The following PLEC variants were observed in gnomAD, a reference collection of about 807,000 sequenced individuals.
PLEC encodes hemidesmosomal protein 1.
A neutral mutation model predicts 392.8 loss-of-function variants in PLEC; 216 were observed. The observed-to-expected ratio is 0.55, with a 90% CI of 0.49 to 0.62. PLEC has a LOEUF of 0.62. Ranked by LOEUF, PLEC falls within the 20% of genes least tolerant of loss-of-function variation. The probability of loss-of-function intolerance (pLI) is 0.00; values close to 1 mark genes in which losing one functional copy is unlikely to be tolerated. For synonymous variants in PLEC, 3,621 were observed against 2,980.6 expected (o/e 1.21, Z -7.00); for missense variants, 6,863 against 6,563.4 (o/e 1.05, Z -1.58).
rs559736151 is a variant in PLEC, at chr8:143,923,287, C to T, written c.6642G>A (p.Ala2214=). The change falls in exon 31 of 32, where the codon GCG becomes GCA. Residue 2214 remains alanine (A), a synonymous_variant. Transcript: ENST00000345136. ...GCTGGCGTGCGGCCTCCGTGGCCTC[C>T]GCCTTCAGCCGCTGCAGCTCCTCGT... ...LLDEELQRLK[A]EATEAARQRS... is the part of the protein sequence containing the mutation. 3.2e-5 allele frequency: 52 copies of T among 1,608,168 alleles called. No individual in the cohort carries two copies. The highest frequency in any genetic ancestry group is 1.9e-4 in the African/African-American group (14 of 75,028).
At chr8:143,926,096 G>T (rs534596672) in intron 30 of PLEC, among the ~76,000 whole-genome samples, 1 of 152,372 alleles carries the variant, frequency 6.6e-6, no homozygotes, top group East Asian at 1.9e-4. Flanking sequence ...CCAGCCTGGG[G>T]AAGGAGGCCC....
chr8:143,958,589 C>T (rs1832717560), upstream of PLEC: 1 of 423,810 alleles, frequency 2.4e-6, no homozygotes, highest in Non-Finnish European at 4.9e-6. The surrounding 1 kb of genome is among the most constrained non-coding windows in gnomAD (Gnocchi z 4.9). Context: ...CCTCGTTGCC[C>T]CTCACCTCCA....
Position 143,921,819 on chromosome 8 carries a change from C to T in PLEC, c.8002G>A (p.Glu2668Lys), listed in dbSNP as rs1437678217. 1.9e-6 allele frequency: 3 copies of T among 1,608,284 alleles called. No individual in the cohort carries two copies. Among genetic ancestry groups the T allele is most frequent in the African/African-American group, 1.3e-5 (1 of 75,058 alleles). The change falls in exon 32 of 32, where the codon GAG becomes AAG. Residue 2668 changes from glutamate (E) to lysine (K), a missense_variant. Physicochemically the swap from Glu to Lys is moderately conservative, Grantham distance 56. Transcript: ENST00000345136. ...TGGCCCTGCGCCAACCGCTGCAGCTCCTCCGCACTCAGGATGCCGGCCTCC... is the reference window on the plus strand; with the variant it reads ...TGGCCCTGCGCCAACCGCTGCAGCTTCTCCGCACTCAGGATGCCGGCCTCC... Reference protein sequence around the residue: ...LQEAGILSAEELQRLAQGHTT... With the variant: ...LQEAGILSAEKLQRLAQGHTT...
chr8:143,951,699 G>A (rs1263273126), upstream of PLEC, among the ~76,000 whole-genome samples: 5 of 152,084 alleles, frequency 3.3e-5, no homozygotes, highest in South Asian at 4.2e-4. Context: ...AGTCCCTACC[G>A]CCCACAGATG....
upstream of PLEC, among the ~76,000 whole-genome samples, chr8:143,958,374 C>G (rs1189894034): frequency 2.0e-5 from 3 of 152,162 alleles, no homozygotes; most frequent in Admixed American, 6.5e-5. This position sits in a 1 kb window ranked among gnomAD's most constrained non-coding sequence, Gnocchi z 4.9. Flanking sequence ...TCTCCTCTCT[C>G]CCCTGCAGCC....
intron 28 of PLEC, 67 bp from the exon 29 acceptor site, chr8:143,927,148 C>T: frequency 6.4e-7 from 1 of 1,560,366 alleles, no homozygotes; most frequent in South Asian, 1.1e-5. Context: ...GCCCCTAAAC[C>T]CTCACATGGG....
chr8:143,960,542 G>T (rs558944894), intron 1 of PLEC, among the ~76,000 whole-genome samples: 1 of 151,956 alleles, frequency 6.6e-6, no homozygotes, highest in African/African-American at 2.4e-5. Context: ...CCTCTAACCC[G>T]GGAGGCGGAG....
At chr8:143,953,648 C>T (rs1832418639), upstream of PLEC, 2 of 1,480,522 alleles carry the variant, frequency 1.4e-6, no homozygotes, top group Non-Finnish European at 1.9e-6. Context: ...CTGCCCGCCA[C>T]CCTGCGTGGA....
In PLEC at chr8:143,923,912, G is replaced by A. The variant is rs376537341; in HGVS notation, c.6017C>T (p.Ala2006Val). The change falls in exon 31 of 32, where the codon GCG becomes GTG. Residue 2006 changes from alanine (A) to valine (V), a missense_variant. Physicochemically the swap from Ala to Val is moderately conservative, Grantham distance 64. Transcript: ENST00000345136. The stretch of plus-strand genomic sequence containing the variant: ...CAGCCGCTCGACTTCCTCCAGCGCC[G>A]CCTTCCGCTGCCGTGCGGCCTCCTC... ...AEEEAARQRK[A>V]ALEEVERLKA... 9.7e-5 allele frequency: 155 copies of A among 1,594,570 alleles called. No individual in the cohort carries two copies. The highest frequency in any genetic ancestry group is 1.6e-4 in the East Asian group (7 of 44,670).
intron 1 of PLEC, among the ~76,000 whole-genome samples, chr8:143,966,512 C>CG (rs1398403692): frequency 2.0e-5 from 3 of 152,236 alleles, no homozygotes; most frequent in Non-Finnish European, 2.9e-5. Flanking sequence ...ACAGCCACCA[C>CG]GGGGGACTCC....
upstream of PLEC, among the ~76,000 whole-genome samples, chr8:143,951,866 C>T (rs973150511): frequency 6.6e-6 from 1 of 151,110 alleles, no homozygotes; most frequent in Admixed American, 6.6e-5. Flanking sequence ...CCATCATCCA[C>T]CCCCCCCTCC....
chr8:143,942,339 G>A (rs1830639775), upstream of PLEC: 18 of 1,596,122 alleles, frequency 1.1e-5, no homozygotes, highest in Non-Finnish European at 8.5e-7. Flanking sequence ...AGCCCCACTA[G>A]GTGAGAGCGA....
Position 143,930,470 on chromosome 8 carries a change from C to G in PLEC, c.2371G>C (p.Val791Leu). ...LSGLAKRAKAVVQLKPRHPAH... is the reference protein window; with the variant it reads ...LSGLAKRAKALVQLKPRHPAH... ...GGGTGGCGGGGCTTCAGCTGCACGA[C>G]GGCCTTGGCCCGCTTGGCCAGGCCT... The change falls in exon 20 of 32, where the codon GTC becomes CTC. Residue 791 changes from valine (V) to leucine (L), a missense_variant. Val to Leu is a conservative substitution (Grantham distance 32). Transcript: ENST00000345136. 1.3e-6 allele frequency: 2 copies of G among 1,590,214 alleles called. No individual in the cohort carries two copies. The highest frequency in any genetic ancestry group is 2.3e-5 in the South Asian group (2 of 88,120).
At chr8:143,964,922 C>T (rs1466583871) in intron 1 of PLEC, among the ~76,000 whole-genome samples, 1 of 152,178 alleles carries the variant, frequency 6.6e-6, no homozygotes, top group Non-Finnish European at 1.5e-5. Context: ...GAGACCTTTA[C>T]TGCAGCTACC....
At chr8:143,939,230 A>G (rs1365176781) in intron 1 of PLEC, 120 bp downstream of exon 1, 20 of 1,355,610 alleles carry the variant, frequency 1.5e-5, no homozygotes, top group Non-Finnish European at 1.9e-5. Context: ...CTGGCCCCCG[A>G]CCCCCATCTC....
Position 143,929,546 on chromosome 8 carries a change from C to T in PLEC, c.2949G>A (p.Gln983=), listed in dbSNP as rs1826456603. Residue 983 remains glutamine, a synonymous_variant, in exon 24 of 32, where the codon CAG becomes CAA. Transcript: ENST00000345136. Reference sequence around the variant, plus strand: ...TGTCTTTGAGCTCGGAGATGCAGCGCTGGCAGCGAGACTCTTCCTGTGCAC... The same window carrying T: ...TGTCTTTGAGCTCGGAGATGCAGCGTTGGCAGCGAGACTCTTCCTGTGCAC... ...EQGAQEESRC[Q]RCISELKDIR... is the part of the protein sequence containing the mutation. 2 of 1,612,542 alleles carry T rather than the reference C, an allele frequency of 1.2e-6. No homozygotes were observed. The highest frequency in any genetic ancestry group is 1.7e-6 in the Non-Finnish European group (2 of 1,179,930).
upstream of PLEC, among the ~76,000 whole-genome samples, chr8:143,953,091 G>A (rs1393580567): frequency 1.3e-5 from 2 of 149,524 alleles, no homozygotes; most frequent in Non-Finnish European, 3.0e-5. Context: ...AGACCCCCGG[G>A]CGGAAGCTAC....
chr8:143,936,723 G>A lies in PLEC; in HGVS notation c.435+256C>T, dbSNP rs532596905. 3.3e-5 allele frequency among the ~76,000 whole-genome samples: 5 copies of A among 152,292 alleles called. No individual in the cohort carries two copies. In the East Asian group the frequency reaches 5.8e-4, roughly 18 times the overall value. The stretch of plus-strand genomic sequence containing the variant: ...ACCGGGGCCTGCATTCCTCCACAGG[G>A]AGGCTCTGGGCCCTGCCCAGCCAGG... On this transcript the variant is annotated intron_variant, in intron 5 of 31. Transcript: ENST00000345136.
rs782775584 is a variant in PLEC at position 143,923,829 on chromosome 8, G to A, written c.6100C>T (p.Arg2034Trp). ...LRERAEQESA[R>W]QLQLAQEAAQ... ...GCCTCCTGGGCCAGCTGCAGCTGCC[G>A]CGCCGACTCCTGCTCCGCTCGCTCC... is the stretch of plus-strand genomic sequence containing the variant. The change falls in exon 31 of 32, where the codon CGG (arginine) becomes TGG (tryptophan). Residue 2034 changes from arginine (R) to tryptophan (W), a missense_variant. Transcript: ENST00000345136. The A allele has an allele frequency of 4.9e-5, 77 of 1,585,880 alleles. No individual in the cohort carries two copies. The highest frequency in any genetic ancestry group is 6.7e-5 in the South Asian group (6 of 89,248).
Sources: gnomAD v4.1 joint callset for allele counts (sites outside exome capture counted in the v4.1 genomes callset) on GRCh38, gnomAD v4.1.1 for gene constraint, Gnocchi (gnomAD v3.1) non-coding constraint, MANE v1.5 for transcripts, NCBI Gene and HGNC (gene_info 2026-07-23, HGNC 2026-07-21) for gene names.